EVA1C: variants seen among roughly 807,000 people sequenced by gnomAD.
EVA1C encodes protein eva-1 homolog C.
In EVA1C, 25 loss-of-function variants were observed where a neutral mutation model predicts 45.4. The ratio of observed to expected loss-of-function variants is 0.55; its 90% confidence interval spans 0.40 to 0.77. The LOEUF is 0.77. Among genes scored for constraint, EVA1C ranks in the 30% least tolerant of loss-of-function variants. EVA1C has a pLI of 0.00. For synonymous variants in EVA1C, 190 were observed against 221.2 expected (o/e 0.86, Z 1.25); for missense variants, 479 against 554.8 (o/e 0.86, Z 1.37).
rs1054997212 is a variant in EVA1C, at chr21:32,452,924, G to GT, written c.161-382dup. On this transcript the variant is annotated intron_variant, in intron 1 of 7. Coordinates refer to ENST00000300255, the MANE Select transcript of EVA1C (RefSeq NM_058187.5). This position sits in a 1 kb window ranked among gnomAD's most constrained non-coding sequence, Gnocchi z 4.0. The stretch of plus-strand genomic sequence containing the variant: ...GTGTGTGTGCCCACTAGGGTCTTGG[G>GT]TTTTTTATGGGCACAGGATGGGGGT... 1.2e-5 allele frequency: 2 copies of GT among 167,020 alleles called. No individual in the cohort carries two copies. Among genetic ancestry groups the GT allele is most frequent in the Non-Finnish European group, 2.6e-5 (2 of 77,948 alleles). 10.3% of individuals were successfully genotyped at this position (167,020 alleles called of 1,614,324 possible).
At chr21:32,458,481 A>ATTTTTTTTTTTTTTTT (rs1555859600) in intron 3 of EVA1C, among the ~76,000 whole-genome samples, 1 of 141,142 alleles carries the variant, frequency 7.1e-6, no homozygotes. Flanking sequence ...GAAGTTAAGC[A>ATTTTTTTTTTTTTTTT]CTTTTTTTTT....
At chr21:32,443,111 T>G (rs2035241126) in intron 1 of EVA1C, among the ~76,000 whole-genome samples, 1 of 152,174 alleles carries the variant, frequency 6.6e-6, no homozygotes, top group East Asian at 1.9e-4. Context: ...CACGGGGCTA[T>G]GTACTGGTCT....
At chr21:32,491,627 T>G (rs564562480) in intron 4 of EVA1C, among the ~76,000 whole-genome samples, 1 of 132,710 alleles carries the variant, frequency 7.5e-6, no homozygotes, top group East Asian at 2.2e-4. Flanking sequence ...GAGATTGCAG[T>G]GAGCCAAGAC....
chr21:32,473,809 C>A, intron 4 of EVA1C: 1 of 493,778 alleles, frequency 2.0e-6, no homozygotes, highest in Non-Finnish European at 2.6e-6. Flanking sequence ...GGAGAAAATG[C>A]CCTTAGCACT....
intron 1 of EVA1C, among the ~76,000 whole-genome samples, chr21:32,414,916 C>A (rs2033976327): frequency 6.6e-6 from 1 of 152,164 alleles, no homozygotes; most frequent in African/African-American, 2.4e-5. Context: ...TCCCAAACCA[C>A]TGATGCACTT....
intron 3 of EVA1C, 40 bp from the exon 4 acceptor site, chr21:32,467,656 G>A: frequency 1.3e-6 from 2 of 1,574,424 alleles, no homozygotes; most frequent in Non-Finnish European, 1.7e-6. Context: ...TTCCTTCTGG[G>A]GGAAGCTGAT....
At chr21:32,431,848 CCAGGCAATGATCAAAAT>C (rs2034716283) in intron 1 of EVA1C, among the ~76,000 whole-genome samples, 1 of 152,074 alleles carries the variant, frequency 6.6e-6, no homozygotes, top group Non-Finnish European at 1.5e-5. Context: ...TCTTATATAA[CCAGGCAATGATCAAAAT>C]CAGGAAACTA....
intron 4 of EVA1C, among the ~76,000 whole-genome samples, chr21:32,476,672 G>A (rs769650198): frequency 1.6e-4 from 24 of 152,110 alleles, no homozygotes; most frequent in Non-Finnish European, 3.4e-4. Flanking sequence ...AAGTTCAAGA[G>A]GAAGAGGGTG....
At chr21:32,450,950 C>T (rs185417912) in intron 1 of EVA1C, among the ~76,000 whole-genome samples, 81 of 152,282 alleles carry the variant, frequency 5.3e-4, no homozygotes, top group Middle Eastern at 6.8e-3. Context: ...GGTTCTTGGC[C>T]ATTCTTCCAG....
At chr21:32,420,236 G>C (rs1019034395) in intron 1 of EVA1C, among the ~76,000 whole-genome samples, 2 of 152,176 alleles carry the variant, frequency 1.3e-5, no homozygotes, top group East Asian at 1.9e-4. Context: ...CAGGCATGGT[G>C]GTGGGCGCCT....
At chr21:32,464,284 G>A (rs1361349653) in intron 3 of EVA1C, among the ~76,000 whole-genome samples, 1 of 152,154 alleles carries the variant, frequency 6.6e-6, no homozygotes, top group Non-Finnish European at 1.5e-5. Context: ...CTTCCTGCGT[G>A]TTAAACTACC....
intron 4 of EVA1C, among the ~76,000 whole-genome samples, chr21:32,484,264 C>A (rs986355523): frequency 6.6e-6 from 1 of 152,108 alleles, no homozygotes. Context: ...TGGGGTGGAC[C>A]AGGCGCAGTG....
At chr21:32,457,262 A>G (rs74885509) in intron 2 of EVA1C, among the ~76,000 whole-genome samples, 2,527 of 152,254 alleles carry the variant, frequency 0.017, 83 homozygotes, top group African/African-American at 0.058. Flanking sequence ...CTGCACCCCA[A>G]TATCTGAAAG....
chr21:32,508,463 T>C (rs1398540609), intron 7 of EVA1C, among the ~76,000 whole-genome samples: 1 of 152,186 alleles, frequency 6.6e-6, no homozygotes, highest in Non-Finnish European at 1.5e-5. Context: ...CAGATAAGCT[T>C]ATACTGAAAG....
At chr21:32,450,991 G>C (rs1035025554) in intron 1 of EVA1C, among the ~76,000 whole-genome samples, 2 of 152,168 alleles carry the variant, frequency 1.3e-5, no homozygotes, top group East Asian at 1.9e-4. Flanking sequence ...AGGAGTTTCA[G>C]CAAGACAGCT....
intron 1 of EVA1C, among the ~76,000 whole-genome samples, chr21:32,450,549 T>C (rs1474667742): frequency 1.3e-5 from 2 of 151,936 alleles, no homozygotes; most frequent in Admixed American, 6.6e-5. Flanking sequence ...AAGGTTTTCA[T>C]GAGGAGGCTG....
intron 5 of EVA1C, among the ~76,000 whole-genome samples, chr21:32,499,325 T>G (rs926886998): frequency 7.9e-5 from 12 of 152,202 alleles, no homozygotes; most frequent in African/African-American, 2.9e-4. Context: ...AGAAAGCAAT[T>G]TGCAGCAGCT....
chr21:32,434,877 G>A (rs1405706144), intron 1 of EVA1C, among the ~76,000 whole-genome samples: 4 of 152,282 alleles, frequency 2.6e-5, no homozygotes, highest in African/African-American at 7.2e-5. Context: ...CCCAGCTTGT[G>A]GTACCTTGTT....
chr21:32,491,534 C>A (rs949324634), intron 4 of EVA1C, among the ~76,000 whole-genome samples: 1 of 151,536 alleles, frequency 6.6e-6, no homozygotes, highest in Non-Finnish European at 1.5e-5. Context: ...ACTAAAAATA[C>A]AAAAATTAGC....
Sources: gnomAD v4.1 joint callset for allele counts (sites outside exome capture counted in the v4.1 genomes callset) on GRCh38, gnomAD v4.1.1 for gene constraint, Gnocchi (gnomAD v3.1) non-coding constraint, MANE v1.5 for transcripts, NCBI Gene and HGNC (gene_info 2026-07-23, HGNC 2026-07-21) for gene names.